DAB1: variants seen among roughly 807,000 people sequenced by gnomAD.
DAB1 encodes disabled homolog 1.
In DAB1, 15 loss-of-function variants were observed where a neutral mutation model predicts 64.6. That is an observed-to-expected ratio of 0.23 (90% CI 0.16 to 0.36). DAB1 has a LOEUF of 0.36. DAB1 is among the 10% of genes least tolerant of loss of function. The pLI is 1.00. For missense variants in DAB1, 596 were observed against 706.7 expected (o/e 0.84, Z 1.78); for synonymous variants, 235 against 251.9 (o/e 0.93, Z 0.64).
At chr1:57,377,704 C>T (rs1465151179) in intron 1 of DAB1, among the ~76,000 whole-genome samples, 1 of 152,072 alleles carries the variant, frequency 6.6e-6, no homozygotes, top group Non-Finnish European at 1.5e-5. Context: ...CTATCAGGGC[C>T]CCAGCAAGAC....
At chr1:57,867,871 C>A (rs1272155171) in intron 1 of DAB1, among the ~76,000 whole-genome samples, 3 of 152,104 alleles carry the variant, frequency 2.0e-5, no homozygotes, top group African/African-American at 7.2e-5. Flanking sequence ...CTCCTCACAG[C>A]CACAAATGAA....
chr1:58,362,498 C>T (rs1168499353), intron 3 of DAB1, among the ~76,000 whole-genome samples: 1 of 152,202 alleles, frequency 6.6e-6, no homozygotes, highest in Non-Finnish European at 1.5e-5. Context: ...GTTGTTAAGA[C>T]ACAGTTGCCT....
chr1:58,046,213 G>T (rs1037106691), intron 5 of DAB1, among the ~76,000 whole-genome samples: 3 of 152,118 alleles, frequency 2.0e-5, no homozygotes, highest in African/African-American at 7.2e-5. Flanking sequence ...TGATACTGAA[G>T]AAAAGCCTGG....
intron 5 of DAB1, among the ~76,000 whole-genome samples, chr1:57,932,803 C>A (rs1644972185): frequency 6.6e-6 from 1 of 152,146 alleles, no homozygotes; most frequent in Non-Finnish European, 1.5e-5. Flanking sequence ...TTTCTATGTC[C>A]ATTTACTTTT....
At chr1:57,978,303 T>C (rs896036210) in intron 5 of DAB1, among the ~76,000 whole-genome samples, 1 of 151,898 alleles carries the variant, frequency 6.6e-6, no homozygotes, top group Non-Finnish European at 1.5e-5. Context: ...CTGAAACAAA[T>C]AAGCAATGGG....
intron 5 of DAB1, among the ~76,000 whole-genome samples, chr1:57,968,768 T>C (rs974846606): frequency 2.0e-5 from 3 of 152,164 alleles, no homozygotes; most frequent in Admixed American, 2.0e-4. Flanking sequence ...GTGAGGTATG[T>C]GTTTTATGTC....
chr1:57,907,464 C>T (rs1026249322), intron 5 of DAB1, among the ~76,000 whole-genome samples: 2 of 152,284 alleles, frequency 1.3e-5, no homozygotes, highest in Non-Finnish European at 2.9e-5. Flanking sequence ...CACCCAAGTG[C>T]CTGGTGTGTT....
At chr1:58,208,954 G>A (rs960761138) in intron 4 of DAB1, among the ~76,000 whole-genome samples, 11 of 152,154 alleles carry the variant, frequency 7.2e-5, no homozygotes, top group Admixed American at 1.3e-4. Flanking sequence ...ATGGACTGGA[G>A]TTAATTAAGA....
chr1:58,050,308 G>A (rs1202125114), intron 5 of DAB1, among the ~76,000 whole-genome samples: 5 of 152,140 alleles, frequency 3.3e-5, no homozygotes, highest in Non-Finnish European at 5.9e-5. Flanking sequence ...AAACAGGAGA[G>A]TAATATTATT....
chr1:58,532,619 C>T (rs1646451788), intron 1 of DAB1, among the ~76,000 whole-genome samples: 1 of 152,054 alleles, frequency 6.6e-6, no homozygotes, highest in Non-Finnish European at 1.5e-5. Flanking sequence ...CCTTGATCTC[C>T]CAGGCTCAAG....
intron 2 of DAB1, among the ~76,000 whole-genome samples, chr1:57,210,229 T>C (rs1273697009): frequency 6.6e-6 from 1 of 152,202 alleles, no homozygotes; most frequent in Non-Finnish European, 1.5e-5. Context: ...GGTTTGGGGA[T>C]GTAACATTTC....
intron 6 of DAB1, among the ~76,000 whole-genome samples, chr1:57,795,009 C>T (rs1272118136): frequency 1.3e-5 from 2 of 152,188 alleles, no homozygotes; most frequent in East Asian, 3.9e-4. Context: ...AACCATCCAT[C>T]CACCCAATCA....
chr1:58,443,224 C>T lies in DAB1; in HGVS notation n.257+62836G>A, dbSNP rs545021900. Among the ~76,000 whole-genome samples, 29 of 152,332 alleles carry T rather than the reference C, an allele frequency of 1.9e-4. 1 individual carries two copies. The highest frequency in any genetic ancestry group is 5.1e-4 in the African/African-American group (21 of 41,566). ...CTTTTCCCTCATACCATGGGTCCAG[C>T]AGATAATTTGTGCTTCTTCCAGTCC... is the stretch of plus-strand genomic sequence containing the variant. On this transcript the variant is annotated intron_variant and non_coding_transcript_variant, in intron 3 of 20. Coordinates refer to the DAB1 transcript ENST00000485760.
At chr1:57,791,237 T>A (rs1323836) in intron 6 of DAB1, among the ~76,000 whole-genome samples, 1 of 152,024 alleles carries the variant, frequency 6.6e-6, no homozygotes, top group African/African-American at 2.4e-5. Context: ...ATTCCCACTA[T>A]GCCCTAGGCC....
chr1:58,423,825 G>A (rs58338317), intron 3 of DAB1, among the ~76,000 whole-genome samples: 84,076 of 152,048 alleles, frequency 0.55, 23,649 homozygotes, highest in African/African-American at 0.63. Flanking sequence ...TGAGTGCATC[G>A]GCATGGCTTT....
At chr1:57,393,109 A>G (rs1682522286) in intron 1 of DAB1, among the ~76,000 whole-genome samples, 1 of 152,296 alleles carries the variant, frequency 6.6e-6, no homozygotes, top group South Asian at 2.1e-4. Context: ...ACATTGTGGA[A>G]TGGCTAAATC....
chr1:58,123,188 G>A (rs1652854929), intron 5 of DAB1, among the ~76,000 whole-genome samples: 1 of 152,094 alleles, frequency 6.6e-6, no homozygotes, highest in South Asian at 2.1e-4. Context: ...AGGCCCATGG[G>A]GAGAGAAAAG....
chr1:57,552,412 T>A (rs1644924433), intron 7 of DAB1, among the ~76,000 whole-genome samples: 1 of 152,156 alleles, frequency 6.6e-6, no homozygotes, highest in East Asian at 1.9e-4. Context: ...AGAATTATAA[T>A]TCGGCATGGC....
chr1:57,509,822 A>G (rs1644387051), intron 7 of DAB1, among the ~76,000 whole-genome samples: 1 of 152,086 alleles, frequency 6.6e-6, no homozygotes, highest in African/African-American at 2.4e-5. Context: ...ATCATCCATC[A>G]TCCACCAACT....
Sources: allele counts gnomAD v4.1 joint callset (sites outside exome capture counted in the v4.1 genomes callset), GRCh38; gene constraint gnomAD v4.1.1; transcripts MANE v1.5; gene names NCBI Gene and HGNC (gene_info 2026-07-23, HGNC 2026-07-21).